KAZN: variants seen among roughly 807,000 people sequenced by gnomAD.
KAZN encodes the protein kazrin.
In KAZN, 40 loss-of-function variants were observed where a neutral mutation model predicts 87.4. That is an observed-to-expected ratio of 0.46 (90% CI 0.36 to 0.60). The LOEUF (loss-of-function observed/expected upper bound fraction) is 0.60. KAZN is among the 20% of genes least tolerant of loss of function. The pLI, the probability that KAZN is intolerant of heterozygous loss-of-function variation, is 0.00. For synonymous variants in KAZN, 466 were observed against 458.3 expected, an observed-to-expected ratio of 1.02 and a Z score of -0.22; for missense variants, 898 against 1,073.9, an observed-to-expected ratio of 0.84 and a Z score of 2.29.
intron 1 of KAZN, among the ~76,000 whole-genome samples, chr1:14,786,300 C>G (rs975222667): frequency 6.6e-6 from 1 of 152,192 alleles, no homozygotes; most frequent in Admixed American, 6.5e-5. Flanking sequence ...TGGTAACTCT[C>G]TAGTTAATAT....
Position 15,065,758 on chromosome 1 carries a change from C to A in KAZN, c.1222+5C>A, listed in dbSNP as rs776033657. 1.9e-6 allele frequency: 3 copies of A among 1,614,034 alleles called. No individual in the cohort carries two copies. Among genetic ancestry groups the A allele is most frequent in the Non-Finnish European group, 2.5e-6 (3 of 1,179,976 alleles). On this transcript the variant is annotated splice_donor_5th_base_variant and intron_variant, in intron 8 of 14. Coordinates refer to ENST00000376030, the MANE Select transcript of KAZN (RefSeq NM_201628.3). ...TCGACCCCGGCCTCTTTGATGGTAC[C>A]GCCCCTGATTATTACATAGAGGAGG...
chr1:14,105,134 T>C (rs1242572877), intron 1 of KAZN, among the ~76,000 whole-genome samples: 1 of 152,224 alleles, frequency 6.6e-6, no homozygotes, highest in Non-Finnish European at 1.5e-5. Flanking sequence ...AAGACACAGA[T>C]TCTGCTATCT....
intron 1 of KAZN, among the ~76,000 whole-genome samples, chr1:13,909,989 C>T (rs991303857): frequency 6.6e-6 from 1 of 152,160 alleles, no homozygotes; most frequent in African/African-American, 2.4e-5. Context: ...GGCCCAGATG[C>T]CACTCCCAAT....
rs981842856 is a variant in KAZN at position 15,077,782 on chromosome 1, G to A, written c.1222+12029G>A. On this transcript the variant is annotated intron_variant, in intron 8 of 14. Transcript: ENST00000376030. The surrounding 1 kb of genome is among the most constrained non-coding windows in gnomAD (Gnocchi z 4.8). Reference sequence around the variant, plus strand: ...GAAAAGCAGCTGCAGGCCTCCCAGGGATGCGGACAGGGGCTCAGAATGAGG... The same window carrying A: ...GAAAAGCAGCTGCAGGCCTCCCAGGAATGCGGACAGGGGCTCAGAATGAGG... 6.6e-6 allele frequency among the ~76,000 whole-genome samples: 1 copy of A among 152,216 alleles called. No individual in the cohort carries two copies. Among genetic ancestry groups the A allele is most frequent in the Admixed American group, 6.5e-5 (1 of 15,282 alleles).
At position 14,170,256 on chromosome 1, in the gene KAZN, A is replaced by G. The variant is rs1160461513; in HGVS notation, c.92-10179A>G. ...GTAACTCTGGTTCTCTTGCAAATCTATCTGTTTAAAAGGGTGGTAAATTGA... is the reference window on the plus strand; with the variant it reads ...GTAACTCTGGTTCTCTTGCAAATCTGTCTGTTTAAAAGGGTGGTAAATTGA... On this transcript the variant is annotated intron_variant, in intron 1 of 16. Transcript: ENST00000636203. 3.9e-5 allele frequency among the ~76,000 whole-genome samples: 6 copies of G among 152,266 alleles called. No individual in the cohort carries two copies. In the South Asian group the frequency reaches 8.3e-4, roughly 21 times the overall value.
chr1:13,984,983 C>T (rs1299313349), intron 1 of KAZN, among the ~76,000 whole-genome samples: 1 of 151,728 alleles, frequency 6.6e-6, no homozygotes, highest in Non-Finnish European at 1.5e-5. Flanking sequence ...GAAAAATAAA[C>T]ACTAAAAATA....
chr1:14,628,499 CAG>C (rs1352012819), intron 1 of KAZN, among the ~76,000 whole-genome samples: 2 of 151,834 alleles, frequency 1.3e-5, no homozygotes, highest in Admixed American at 1.3e-4. Flanking sequence ...TCTGGAAGCA[CAG>C]AGACATGAAA....
At chr1:14,951,729 C>T (rs1014085757) in intron 1 of KAZN, among the ~76,000 whole-genome samples, 10 of 152,152 alleles carry the variant, frequency 6.6e-5, no homozygotes, top group Non-Finnish European at 1.3e-4. Context: ...CTACCCGCCT[C>T]AGCTTCCCAA....
At chr1:14,590,570 T>G (rs1386931745) in intron 2 of KAZN, among the ~76,000 whole-genome samples, 1 of 152,162 alleles carries the variant, frequency 6.6e-6, no homozygotes, top group Admixed American at 6.5e-5. Flanking sequence ...TTACTCATGG[T>G]GACCTCAGTG....
chr1:14,528,376 A>T (rs1420766573), intron 2 of KAZN, among the ~76,000 whole-genome samples: 1 of 150,722 alleles, frequency 6.6e-6, no homozygotes, highest in East Asian at 1.9e-4. Context: ...GAAAAAAAGG[A>T]AAATTATTTT....
intron 8 of KAZN, among the ~76,000 whole-genome samples, chr1:15,072,956 A>C (rs2100598251): frequency 6.6e-6 from 1 of 152,300 alleles, no homozygotes; most frequent in Admixed American, 6.5e-5. Context: ...CTTAATCCAG[A>C]AGAGGAAGAG....
intron 5 of KAZN, among the ~76,000 whole-genome samples, chr1:15,057,126 G>T (rs947797317): frequency 1.3e-5 from 2 of 152,170 alleles, no homozygotes; most frequent in East Asian, 3.8e-4. Context: ...AGCAGGCCCT[G>T]CTATTGCCTG....
intron 1 of KAZN, among the ~76,000 whole-genome samples, chr1:14,698,397 T>G (rs1641732876): frequency 6.6e-6 from 1 of 152,186 alleles, no homozygotes; most frequent in South Asian, 2.1e-4. Context: ...ACCTCCACCG[T>G]CCCATCTGGC....
chr1:13,904,563 G>A (rs755365737), intron 1 of KAZN, among the ~76,000 whole-genome samples: 1 of 152,192 alleles, frequency 6.6e-6, no homozygotes, highest in African/African-American at 2.4e-5. Context: ...TCTAAGTTGA[G>A]TTATTTTCTC....
intron 2 of KAZN, among the ~76,000 whole-genome samples, chr1:14,273,835 ATT>A (rs55714663): frequency 1.8e-3 from 272 of 150,414 alleles, no homozygotes; most frequent in Middle Eastern, 0.01. Context: ...TGGGAGCAGT[ATT>A]TTTTTTTTTT....
intron 2 of KAZN, among the ~76,000 whole-genome samples, chr1:14,530,172 AGGGCAGG>A (rs1672131116): frequency 6.6e-6 from 1 of 152,184 alleles, no homozygotes; most frequent in Non-Finnish European, 1.5e-5. Context: ...CAGTGCCAGG[AGGGCAGG>A]TGGGCTTCCT....
intron 1 of KAZN, among the ~76,000 whole-genome samples, chr1:13,960,652 C>T (rs549902333): frequency 2.0e-5 from 3 of 152,170 alleles, no homozygotes; most frequent in African/African-American, 4.8e-5. Flanking sequence ...TTTCCCAAAT[C>T]GGCTTGTATT....
chr1:15,073,176 G>A (rs529643274), intron 8 of KAZN, among the ~76,000 whole-genome samples: 89 of 152,322 alleles, frequency 5.8e-4, no homozygotes, highest in South Asian at 1.5e-3. Flanking sequence ...TGAGTGAGAA[G>A]GAAAGAGGAA....
At chr1:14,830,432 C>T (rs894455644) in intron 1 of KAZN, among the ~76,000 whole-genome samples, 1 of 152,132 alleles carries the variant, frequency 6.6e-6, no homozygotes, top group Non-Finnish European at 1.5e-5. Flanking sequence ...AGGTGCCCAG[C>T]CCTCAGGAGC....
Sources: allele counts gnomAD v4.1 joint callset (sites outside exome capture counted in the v4.1 genomes callset), GRCh38; gene constraint gnomAD v4.1.1; non-coding constraint Gnocchi (gnomAD v3.1); transcripts MANE v1.5; gene names NCBI Gene and HGNC (gene_info 2026-07-23, HGNC 2026-07-21).